Variants in FYCO1 observed in about 807,000 individuals in gnomAD.
FYCO1 encodes the protein FYVE and coiled-coil domain-containing protein 1.
FYCO1 carries 122 observed loss-of-function variants against 165.1 expected under a neutral mutation model. The ratio of observed to expected loss-of-function variants is 0.74; its 90% confidence interval spans 0.64 to 0.86. FYCO1 has a LOEUF of 0.86. Among genes scored for constraint, FYCO1 ranks in the 40% least tolerant of loss-of-function variants. The pLI, the probability that FYCO1 is intolerant of heterozygous loss-of-function variation, is 0.00. For synonymous variants in FYCO1, 648 were observed against 742.5 expected (o/e 0.87, Z 2.07); for missense variants, 1,702 against 1,810.3 (o/e 0.94, Z 1.09).
At chr3:45,927,233 C>T (rs1703363792) in intron 16 of FYCO1, among the ~76,000 whole-genome samples, 2 of 152,154 alleles carry the variant, frequency 1.3e-5, no homozygotes, top group African/African-American at 4.8e-5. Flanking sequence ...ATTCTTCCAA[C>T]GAGGCCCAGG....
intron 14 of FYCO1, among the ~76,000 whole-genome samples, chr3:45,941,636 G>T (rs1330650922): frequency 2.6e-5 from 4 of 152,134 alleles, no homozygotes; most frequent in African/African-American, 9.7e-5. Flanking sequence ...TTCTATTAAA[G>T]AATGGCCACG....
chr3:45,977,407 A>AT (rs1706828091), intron 4 of FYCO1, among the ~76,000 whole-genome samples: 4 of 132,472 alleles, frequency 3.0e-5, no homozygotes, highest in African/African-American at 6.4e-5. Flanking sequence ...ATATATATAT[A>AT]AAGGGAACTA....
At position 45,920,887 on chromosome 3, in the gene FYCO1, G is replaced by A. The variant is rs1703066909; in HGVS notation, c.*878C>T. On this transcript the variant is annotated 3_prime_UTR_variant, in exon 18 of 18. Transcript: ENST00000296137. The stretch of plus-strand genomic sequence containing the variant: ...AAACAAAAGTGGGCCATCAGCTGAG[G>A]AGTAGCTCTAAAGCCAATGCACAAT... The A allele has an allele frequency of 6.5e-6, 1 of 152,716 alleles. No individual in the cohort carries two copies. Among genetic ancestry groups the A allele is most frequent in the Non-Finnish European group, 1.5e-5 (1 of 68,104 alleles). 9.5% of individuals were successfully genotyped at this position (152,716 alleles called of 1,614,324 possible).
chr3:45,921,899 G>T, intron 17 of FYCO1, 59 bp from the exon 18 acceptor site: 1 of 1,114,510 alleles, frequency 9.0e-7, no homozygotes, highest in Non-Finnish European at 1.4e-6. Flanking sequence ...TCCGAGGGGT[G>T]GCAGCTGCTG....
Position 45,966,966 on chromosome 3 carries a change from C to A in FYCO1, c.2368G>T (p.Ala790Ser), listed in dbSNP as rs1174238491. Residue 790 changes from alanine to serine, a missense_variant, in exon 8 of 18, where the codon GCT becomes TCT. Coordinates refer to ENST00000296137, the MANE Select transcript of FYCO1 (RefSeq NM_024513.4). ...VHQGEVQRLQAQVVDLQAKMR... is the reference protein window; with the variant it reads ...VHQGEVQRLQSQVVDLQAKMR... ...TTGGCCTGGAGGTCCACCACCTGAG[C>A]CTGCAGCCGTTGGACCTCCCCCTGA... 1.9e-6 allele frequency: 3 copies of A among 1,613,556 alleles called. No homozygotes were observed. The highest frequency in any genetic ancestry group is 2.5e-6 in the Non-Finnish European group (3 of 1,180,018).
In FYCO1 at chr3:45,983,243, AGTCTTTGAAACTGCT is replaced by A. The variant is rs561458542; in HGVS notation, c.56-1582_56-1568del. Among the ~76,000 whole-genome samples the A allele has an allele frequency of 1.2e-4, 18 of 152,334 alleles. No individual in the cohort carries two copies. In the South Asian group the frequency reaches 3.7e-3, roughly 32 times the overall value. On this transcript the variant is annotated intron_variant, in intron 2 of 17. Coordinates refer to ENST00000296137, the MANE Select transcript of FYCO1 (RefSeq NM_024513.4). ...TGAGCACACCCCTGCCTGACTCCAA[AGTCTTTGAAACTGCT>A]GTCACCAAGAGGATAAGTGGGCTGC...
In FYCO1 at chr3:45,964,855, C is replaced by T. The variant is rs1360994307; in HGVS notation, c.3150+178G>A. ...TCCTTTCTGCATTTGGCAGCTCCGGCCAGGTGTCCAGGGAATGGATGGAGG... is the reference window on the plus strand; with the variant it reads ...TCCTTTCTGCATTTGGCAGCTCCGGTCAGGTGTCCAGGGAATGGATGGAGG... On this transcript the variant is annotated intron_variant, in intron 9 of 17. Transcript: ENST00000296137. The surrounding 1 kb of genome is among the most constrained non-coding windows in gnomAD (Gnocchi z 4.1). Among the ~76,000 whole-genome samples, 2 of 152,198 alleles carry T rather than the reference C, an allele frequency of 1.3e-5. No individual in the cohort carries two copies. Among genetic ancestry groups the T allele is most frequent in the African/African-American group, 4.8e-5 (2 of 41,446 alleles).
Position 45,967,074 on chromosome 3 carries a change from G to T in FYCO1, c.2260C>A (p.Gln754Lys), listed in dbSNP as rs1335597422. ...IEVLTAEKGQ[Q>K]GVGPPTDNEA... is the part of the protein sequence containing the mutation. ...TTGTCAGTGGGTGGGCCAACTCCCT[G>T]TTGGCCTTTCTCTGCTGTGAGGACC... The change falls in exon 8 of 18, where the codon CAG becomes AAG. Residue 754 changes from glutamine to lysine, a missense_variant. Physicochemically the swap from Gln to Lys is moderately conservative, Grantham distance 53 (BLOSUM62 1). Coordinates refer to ENST00000296137, the MANE Select transcript of FYCO1 (RefSeq NM_024513.4). 3 of 1,613,902 alleles carry T rather than the reference G, an allele frequency of 1.9e-6. No homozygotes were observed. The Admixed American group carries it at 5.0e-5, about 27-fold the overall frequency.
Position 45,918,234 on chromosome 3 carries a change from G to A in FYCO1, c.*3531C>T, listed in dbSNP as rs1702978892. On this transcript the variant is annotated 3_prime_UTR_variant, in exon 18 of 18. Coordinates refer to ENST00000296137, the MANE Select transcript of FYCO1 (RefSeq NM_024513.4). Reference sequence around the variant, plus strand: ...AGTGTCTCTGCATAACATACATCAAGCAGCCTTTTTCTTTTTTTAAATCAG... The same window carrying A: ...AGTGTCTCTGCATAACATACATCAAACAGCCTTTTTCTTTTTTTAAATCAG... 6.6e-6 allele frequency: 1 copy of A among 152,604 alleles called. No individual in the cohort carries two copies. Among genetic ancestry groups the A allele is most frequent in the Admixed American group, 6.5e-5 (1 of 15,282 alleles). 9.5% of individuals were successfully genotyped at this position (152,604 alleles called of 1,614,324 possible).
At chr3:45,984,427 C>A (rs1203436877) in intron 2 of FYCO1, among the ~76,000 whole-genome samples, 1 of 152,174 alleles carries the variant, frequency 6.6e-6, no homozygotes, top group Non-Finnish European at 1.5e-5. Flanking sequence ...CAGCCAGGAC[C>A]CAGTTGGGCA....
chr3:45,976,068 C>T (rs1341758829), intron 4 of FYCO1, among the ~76,000 whole-genome samples: 1 of 152,104 alleles, frequency 6.6e-6, no homozygotes, highest in East Asian at 1.9e-4. Context: ...AGGGGTGAGA[C>T]CAGGGGTGTC....
chr3:45,953,299 G>A (rs1705131093), intron 14 of FYCO1, among the ~76,000 whole-genome samples: 2 of 152,182 alleles, frequency 1.3e-5, no homozygotes, highest in African/African-American at 4.8e-5. Context: ...CATAAAAAAT[G>A]TCCTTAACCA....
chr3:45,934,253 C>T (rs1447908845), intron 15 of FYCO1, among the ~76,000 whole-genome samples: 1 of 152,098 alleles, frequency 6.6e-6, no homozygotes, highest in African/African-American at 2.4e-5. Context: ...TATAAACTTC[C>T]CAAATATGAT....
intron 14 of FYCO1, among the ~76,000 whole-genome samples, chr3:45,952,963 G>A (rs1705114277): frequency 6.6e-6 from 1 of 152,180 alleles, no homozygotes; most frequent in Admixed American, 6.5e-5. Flanking sequence ...ATGGTCAGGG[G>A]TTGGAGGGGT....
At chr3:45,965,251 A>C in intron 8 of FYCO1, 126 bp from the exon 9 acceptor site, 8 of 716,402 alleles carry the variant, frequency 1.1e-5, no homozygotes, top group Non-Finnish European at 2.0e-5. Context: ...CTGGCTCCTC[A>C]ATGAGCTTTG....
intron 2 of FYCO1, among the ~76,000 whole-genome samples, chr3:45,983,067 C>A (rs1300371013): frequency 1.3e-5 from 2 of 152,214 alleles, no homozygotes; most frequent in Non-Finnish European, 1.5e-5. Context: ...GTAATATTAG[C>A]TTTGCAGGAA....
intron 14 of FYCO1, among the ~76,000 whole-genome samples, chr3:45,950,494 C>A (rs1004973785): frequency 6.6e-6 from 1 of 152,066 alleles, no homozygotes; most frequent in African/African-American, 2.4e-5. Context: ...TGGAGCTACC[C>A]CTACTGGAGG....
rs886716563 is a variant in FYCO1, at chr3:45,919,181, T to C, written c.*2584A>G. The C allele has an allele frequency of 1.3e-5, 2 of 152,156 alleles. No individual in the cohort carries two copies. Among genetic ancestry groups the C allele is most frequent in the Admixed American group, 6.5e-5 (1 of 15,274 alleles). 9.4% of individuals were successfully genotyped at this position (152,156 alleles called of 1,614,324 possible). On this transcript the variant is annotated 3_prime_UTR_variant, in exon 18 of 18. Transcript: ENST00000296137. ...CCACCTGCAGCAGTGGTTCTTCAAT[T>C]GCTATTTGCATTTCTTTAAAGTACC...
At chr3:45,927,392 T>G (rs1703372150) in intron 16 of FYCO1, among the ~76,000 whole-genome samples, 2 of 152,200 alleles carry the variant, frequency 1.3e-5, no homozygotes, top group African/African-American at 4.8e-5. Context: ...TCTCAAAATA[T>G]TTGAAAACTA....
Sources: allele counts gnomAD v4.1 joint callset (sites outside exome capture counted in the v4.1 genomes callset), GRCh38; gene constraint gnomAD v4.1.1; non-coding constraint Gnocchi (gnomAD v3.1); transcripts MANE v1.5; gene names NCBI Gene and HGNC (gene_info 2026-07-23, HGNC 2026-07-21).